The following NLGN1 variants were observed in gnomAD, a reference collection of about 807,000 sequenced individuals.
NLGN1 encodes neuroligin-1.
A neutral mutation model predicts 65.5 loss-of-function variants in NLGN1; 12 were observed. That is an observed-to-expected ratio of 0.18 (90% CI 0.12 to 0.30). NLGN1 has a LOEUF of 0.30. Ranked by LOEUF, NLGN1 falls within the 10% of genes least tolerant of loss-of-function variation. The pLI is 1.00. For synonymous variants in NLGN1, 350 were observed against 359.5 expected, an observed-to-expected ratio of 0.97 and a Z score of 0.30; for missense variants, 750 against 1,007.1, an observed-to-expected ratio of 0.74 and a Z score of 3.46.
chr3:173,866,260 G>C (rs1361294361), intron 4 of NLGN1, among the ~76,000 whole-genome samples: 1 of 152,188 alleles, frequency 6.6e-6, no homozygotes, highest in Non-Finnish European at 1.5e-5. Context: ...GATAGGTAGT[G>C]ATTCTCGCTT....
At position 173,420,184 on chromosome 3, in the gene NLGN1, T is replaced by C. The variant is rs193072356; in HGVS notation, c.-389-14826T>C. Among the ~76,000 whole-genome samples, 837 of 152,154 alleles carry C rather than the reference T, an allele frequency of 5.5e-3. 11 individuals carry two copies. The highest frequency in any genetic ancestry group is 0.019 in the African/African-American group (797 of 41,492). On this transcript the variant is annotated intron_variant, in intron 1 of 6. Coordinates refer to ENST00000457714, the Ensembl canonical transcript of NLGN1. The stretch of plus-strand genomic sequence containing the variant: ...TTGGTGTGCTGCACCCATTAACTTG[T>C]CATTTAGCATTAAGTATATCTCCTA...
At chr3:174,060,952 G>A (rs1737273177) in intron 4 of NLGN1, among the ~76,000 whole-genome samples, 1 of 151,914 alleles carries the variant, frequency 6.6e-6, no homozygotes, top group African/African-American at 2.4e-5. Context: ...GTTTGTTGAG[G>A]GTAGCTTACC....
chr3:173,767,607 G>A (rs989414782), intron 3 of NLGN1, among the ~76,000 whole-genome samples: 2 of 151,908 alleles, frequency 1.3e-5, no homozygotes, highest in Admixed American at 1.3e-4. Context: ...GTATTCTTTG[G>A]TTTAAATTGT....
intron 4 of NLGN1, among the ~76,000 whole-genome samples, chr3:174,095,636 A>G (rs1000760327): frequency 1.2e-4 from 18 of 151,978 alleles, no homozygotes; most frequent in Admixed American, 3.3e-4. Flanking sequence ...GTATATATGT[A>G]TGTATACATA....
chr3:174,147,245 G>A (rs1293350039), intron 4 of NLGN1, among the ~76,000 whole-genome samples: 2 of 151,966 alleles, frequency 1.3e-5, no homozygotes, highest in East Asian at 3.9e-4. Context: ...AAAAGTTCCC[G>A]GCTCCAGGAG....
At chr3:173,590,148 CAATTT>C (rs1175484955) in intron 2 of NLGN1, among the ~76,000 whole-genome samples, 2 of 152,032 alleles carry the variant, frequency 1.3e-5, no homozygotes, top group Admixed American at 6.6e-5. Flanking sequence ...AAAACTTGAG[CAATTT>C]AATAGTTAAC....
intron 4 of NLGN1, among the ~76,000 whole-genome samples, chr3:173,981,727 A>G (rs1171543951): frequency 1.3e-5 from 2 of 152,084 alleles, no homozygotes; most frequent in Non-Finnish European, 2.9e-5. Context: ...ATAATTCTTC[A>G]TATTCATCAT....
At chr3:173,901,197 A>G in intron 4 of NLGN1, among the ~76,000 whole-genome samples, 1 of 152,036 alleles carries the variant, frequency 6.6e-6, no homozygotes, top group East Asian at 1.9e-4. Context: ...TTAATAATGC[A>G]TTAGGAGTTC....
intron 4 of NLGN1, among the ~76,000 whole-genome samples, chr3:173,893,854 C>T (rs891321135): frequency 1.3e-5 from 2 of 152,162 alleles, no homozygotes; most frequent in African/African-American, 4.8e-5. Context: ...CTTTTTATGT[C>T]ATCGCAAGTC....
intron 4 of NLGN1, among the ~76,000 whole-genome samples, chr3:173,904,927 C>T (rs994899546): frequency 2.0e-5 from 3 of 152,180 alleles, no homozygotes; most frequent in African/African-American, 7.2e-5. Context: ...GAGGGCCAAC[C>T]TGCCCTGGCT....
At chr3:174,048,743 A>T (rs1734174002) in intron 4 of NLGN1, among the ~76,000 whole-genome samples, 1 of 152,070 alleles carries the variant, frequency 6.6e-6, no homozygotes, top group South Asian at 2.1e-4. Flanking sequence ...TGATAATTGT[A>T]TGAATTATCA....
Position 173,507,676 on chromosome 3 carries a change from AGT to A in NLGN1, c.-321+72613_-321+72614del, listed in dbSNP as rs143327016. ...TACATCTTTCCTTACTTTCCCAAAT[AGT>A]GTGTGTGTGTGTGTACATATATATT... is the stretch of plus-strand genomic sequence containing the variant. On this transcript the variant is annotated intron_variant, in intron 2 of 6. Coordinates refer to ENST00000457714, the Ensembl canonical transcript of NLGN1. 2.8e-3 allele frequency among the ~76,000 whole-genome samples: 416 copies of A among 151,064 alleles called. 1 individual carries two copies. Among genetic ancestry groups the A allele is most frequent in the African/African-American group, 9.5e-3 (394 of 41,276 alleles).
At chr3:173,428,501 C>G (rs988367905) in intron 1 of NLGN1, among the ~76,000 whole-genome samples, 1 of 151,826 alleles carries the variant, frequency 6.6e-6, no homozygotes, top group African/African-American at 2.4e-5. Flanking sequence ...GATATAACAA[C>G]TTAAACTGAT....
At chr3:173,443,529 A>G (rs4894613) in intron 2 of NLGN1, among the ~76,000 whole-genome samples, 72,137 of 151,752 alleles carry the variant, frequency 0.48, 19,597 homozygotes, top group East Asian at 0.85. Context: ...GTAAATAAAC[A>G]TATATATTGT....
intron 4 of NLGN1, among the ~76,000 whole-genome samples, chr3:174,080,315 A>AGAATCTGCCCTAT (rs1319428923): frequency 1.3e-5 from 2 of 152,220 alleles, no homozygotes; most frequent in African/African-American, 2.4e-5. Flanking sequence ...AATTTGACCA[A>AGAATCTGCCCTAT]GGAGGCATAG....
chr3:173,935,768 T>G (rs1744964226), intron 4 of NLGN1, among the ~76,000 whole-genome samples: 1 of 152,036 alleles, frequency 6.6e-6, no homozygotes, highest in Non-Finnish European at 1.5e-5. Flanking sequence ...TATGTATTTT[T>G]GAATCTTTTA....
At chr3:173,407,923 CAGAA>C (rs773214713) in intron 1 of NLGN1, among the ~76,000 whole-genome samples, 11 of 152,032 alleles carry the variant, frequency 7.2e-5, no homozygotes, top group Non-Finnish European at 1.5e-4. Context: ...TTACTCATAT[CAGAA>C]AGAGTTTGCG....
At chr3:173,709,589 G>T (rs1274919587) in intron 3 of NLGN1, among the ~76,000 whole-genome samples, 6 of 151,830 alleles carry the variant, frequency 4.0e-5, no homozygotes, top group Non-Finnish European at 8.8e-5. Context: ...ATCACTTGAG[G>T]TCAGGAGTTC....
At chr3:174,225,331 T>G (rs897611571) in intron 4 of NLGN1, among the ~76,000 whole-genome samples, 1 of 152,174 alleles carries the variant, frequency 6.6e-6, no homozygotes, top group African/African-American at 2.4e-5. Context: ...TTACTTTGTG[T>G]GGTAGAAAAA....
Sources: allele counts gnomAD v4.1 joint callset (sites outside exome capture counted in the v4.1 genomes callset), GRCh38; gene constraint gnomAD v4.1.1; transcripts MANE v1.5; gene names NCBI Gene and HGNC (gene_info 2026-07-23, HGNC 2026-07-21).